Variants in RBFOX1 observed in about 807,000 individuals in gnomAD.
RBFOX1 encodes the protein RNA binding fox-1 homolog 1.
In RBFOX1, 8 loss-of-function variants were observed where a neutral mutation model predicts 57.7. That is an observed-to-expected ratio of 0.14 (90% CI 0.08 to 0.25). RBFOX1 has a LOEUF of 0.25. Ranked by LOEUF, RBFOX1 falls within the 10% of genes least tolerant of loss-of-function variation. The pLI, the probability that RBFOX1 is intolerant of heterozygous loss-of-function variation, is 1.00. For missense variants in RBFOX1, 611 were observed against 548.5 expected, an observed-to-expected ratio of 1.11 and a Z score of -1.14; for synonymous variants, 326 against 222.4, an observed-to-expected ratio of 1.47 and a Z score of -4.15.
intron 1 of RBFOX1, among the ~76,000 whole-genome samples, chr16:5,271,832 A>T (rs1405428615): frequency 1.3e-5 from 2 of 152,210 alleles, no homozygotes; most frequent in Non-Finnish European, 2.9e-5. Context: ...TTCCACATGT[A>T]AGTAAAATCA....
chr16:7,146,518 A>G (rs939385138), intron 4 of RBFOX1, among the ~76,000 whole-genome samples: 42 of 152,192 alleles, frequency 2.8e-4, no homozygotes, highest in African/African-American at 8.2e-4. Flanking sequence ...TAGGATGCAT[A>G]GGCCATCAGA....
chr16:6,612,812 A>C (rs2154026513), intron 2 of RBFOX1, among the ~76,000 whole-genome samples: 1 of 150,044 alleles, frequency 6.7e-6, no homozygotes, highest in African/African-American at 2.5e-5. Context: ...AGATCATGCC[A>C]CTGCACTCCA....
At chr16:5,590,433 C>T (rs556792819) in intron 2 of RBFOX1, among the ~76,000 whole-genome samples, 1 of 152,284 alleles carries the variant, frequency 6.6e-6, no homozygotes, top group South Asian at 2.1e-4. Context: ...GCCTGAGTTC[C>T]TTGCTGAAAG....
At chr16:7,225,348 C>T (rs376835884) in intron 4 of RBFOX1, among the ~76,000 whole-genome samples, 1 of 152,078 alleles carries the variant, frequency 6.6e-6, no homozygotes, top group Non-Finnish European at 1.5e-5. Context: ...ATACTGTCCT[C>T]ATGGTAGTAA....
At chr16:7,504,739 A>ATTTATATATATATATT (rs1555526342) in intron 4 of RBFOX1, among the ~76,000 whole-genome samples, 1 of 7,980 alleles carries the variant, frequency 1.3e-4, no homozygotes, top group Admixed American at 1.5e-3. Context: ...ATATATATAT[A>ATTTATATATATATATT]TATATATATA....
At chr16:5,942,265 A>C (rs912820917) in intron 4 of RBFOX1, among the ~76,000 whole-genome samples, 4 of 152,092 alleles carry the variant, frequency 2.6e-5, no homozygotes, top group Admixed American at 2.6e-4. Flanking sequence ...ATATAGTTTG[A>C]TTGGCAGGGG....
At chr16:6,170,856 C>G (rs2096955135) in intron 1 of RBFOX1, among the ~76,000 whole-genome samples, 1 of 152,114 alleles carries the variant, frequency 6.6e-6, no homozygotes, top group Non-Finnish European at 1.5e-5. Flanking sequence ...TTTTCTGTTC[C>G]TGCCTTAGTT....
At chr16:6,855,161 C>T (rs913980368) in intron 3 of RBFOX1, among the ~76,000 whole-genome samples, 3 of 152,090 alleles carry the variant, frequency 2.0e-5, no homozygotes, top group East Asian at 1.9e-4. Context: ...TGTAGCTATA[C>T]GTGTTCTGGT....
intron 4 of RBFOX1, among the ~76,000 whole-genome samples, chr16:7,208,202 T>C (rs2090388824): frequency 6.6e-6 from 1 of 152,178 alleles, no homozygotes; most frequent in South Asian, 2.1e-4. Context: ...GCCAATTATG[T>C]CACCATCTAT....
At chr16:7,411,003 T>C (rs1431520717) in intron 4 of RBFOX1, among the ~76,000 whole-genome samples, 1 of 152,142 alleles carries the variant, frequency 6.6e-6, no homozygotes, top group Non-Finnish European at 1.5e-5. Context: ...TGGAGTACAG[T>C]GGTGTGATCT....
At chr16:6,291,180 C>G (rs1159492459) in intron 1 of RBFOX1, among the ~76,000 whole-genome samples, 4 of 152,168 alleles carry the variant, frequency 2.6e-5, no homozygotes. Flanking sequence ...GTTTTATCAG[C>G]AAGGTCTTCT....
At chr16:7,206,416 A>AAT (rs896561410) in intron 4 of RBFOX1, among the ~76,000 whole-genome samples, 9 of 150,404 alleles carry the variant, frequency 6.0e-5, no homozygotes, top group Non-Finnish European at 7.4e-5. Context: ...TACTTACTGA[A>AAT]ATATATATAT....
chr16:6,338,695 A>G (rs536709875), intron 2 of RBFOX1, among the ~76,000 whole-genome samples: 101 of 152,334 alleles, frequency 6.6e-4, no homozygotes, highest in African/African-American at 1.8e-3. Context: ...AAGACATACA[A>G]TGGCACTCAA....
intron 4 of RBFOX1, among the ~76,000 whole-genome samples, chr16:7,460,135 T>C (rs935686327): frequency 6.6e-6 from 1 of 151,936 alleles, no homozygotes; most frequent in Non-Finnish European, 1.5e-5. Flanking sequence ...ATTTCTCCTA[T>C]GCTAGTCTGA....
chr16:5,746,877 C>A (rs1324088565), intron 3 of RBFOX1, among the ~76,000 whole-genome samples: 5 of 152,238 alleles, frequency 3.3e-5, no homozygotes, highest in Non-Finnish European at 5.9e-5. Flanking sequence ...CAATCATGTC[C>A]TGTGCAAACA....
chr16:5,741,780 G>A (rs1054278233), intron 3 of RBFOX1, among the ~76,000 whole-genome samples: 1 of 152,172 alleles, frequency 6.6e-6, no homozygotes, highest in Admixed American at 6.5e-5. Context: ...ACTTTGAGTA[G>A]AAACTTTCGT....
At chr16:5,709,268 C>T (rs8050184) in intron 3 of RBFOX1, among the ~76,000 whole-genome samples, 3 of 152,076 alleles carry the variant, frequency 2.0e-5, no homozygotes, top group Admixed American at 6.5e-5. Context: ...GCAGCAAAGA[C>T]GATGGGTGCA....
intron 4 of RBFOX1, among the ~76,000 whole-genome samples, chr16:7,327,645 G>C (rs762011239): frequency 3.3e-5 from 5 of 152,150 alleles, no homozygotes; most frequent in Admixed American, 2.0e-4. Flanking sequence ...GCAAAGAATG[G>C]TTGGGTTGAT....
chr16:5,586,902 C>G (rs563694816), intron 2 of RBFOX1, among the ~76,000 whole-genome samples: 84 of 152,338 alleles, frequency 5.5e-4, no homozygotes, highest in Non-Finnish European at 9.7e-4. Context: ...CTTAGCTGCT[C>G]TGTTCTGCTG....
Sources: gnomAD v4.1 joint callset for allele counts (sites outside exome capture counted in the v4.1 genomes callset) on GRCh38, gnomAD v4.1.1 for gene constraint, MANE v1.5 for transcripts, NCBI Gene and HGNC (gene_info 2026-07-23, HGNC 2026-07-21) for gene names.